Variants in DHX57 observed in about 807,000 individuals in gnomAD.
The protein encoded by DHX57 is DExH-box helicase 57.
Under a neutral mutation model 156.2 loss-of-function variants are expected in DHX57, and 105 were observed. That is an observed-to-expected ratio of 0.67 (90% confidence interval 0.57 to 0.79). The LOEUF (loss-of-function observed/expected upper bound fraction) is 0.79, where lower values mean the gene tolerates loss of function less well. DHX57 is among the 30% of genes least tolerant of loss of function. The pLI, the probability that DHX57 is intolerant of heterozygous loss-of-function variation, is 0.00. For missense variants in DHX57, 1,847 were observed against 1,661.9 expected, an observed-to-expected ratio of 1.11 and a Z score of -1.94; for synonymous variants, 704 against 595.6, an observed-to-expected ratio of 1.18 and a Z score of -2.65.
intron 11 of DHX57, among the ~76,000 whole-genome samples, chr2:38,845,192 T>C (rs920871972): frequency 2.0e-4 from 31 of 151,232 alleles, no homozygotes; most frequent in Non-Finnish European, 7.4e-5. Context: ...TGAGGCTGTC[T>C]TAAAAAAAAA....
Position 38,798,138 on chromosome 2 carries a change from C to T in DHX57, c.*161G>A, listed in dbSNP as rs1488681068. 14 of 838,984 alleles carry T rather than the reference C, an allele frequency of 1.7e-5. No homozygotes were observed. The highest frequency in any genetic ancestry group is 6.8e-5 in the Admixed American group (2 of 29,554). 52.0% of individuals were successfully genotyped at this position (838,984 alleles called of 1,614,324 possible). On this transcript the variant is annotated 3_prime_UTR_variant, in exon 24 of 24. Coordinates refer to ENST00000457308, the MANE Select transcript of DHX57 (RefSeq NM_198963.3). ...GGCCAAGGCTTTGTTAGAAATGGCC[C>T]TAAGGGTATATACACTGCCTCAGCT...
rs1342703520 is a variant in DHX57 at position 38,798,224 on chromosome 2, G to A, written c.*75C>T. 3.2e-6 allele frequency: 5 copies of A among 1,541,198 alleles called. No homozygotes were observed. In the East Asian group the frequency reaches 6.8e-5, roughly 21 times the overall value. On this transcript the variant is annotated 3_prime_UTR_variant, in exon 24 of 24. Transcript: ENST00000457308. ...GCCAGCCCCAATAGGTCTTTAGTTCGAGGTAGAGGTTCTGCTGTTATTTCC... is the reference window on the plus strand; with the variant it reads ...GCCAGCCCCAATAGGTCTTTAGTTCAAGGTAGAGGTTCTGCTGTTATTTCC...
chr2:38,820,149 C>T (rs1263033378), intron 17 of DHX57, among the ~76,000 whole-genome samples: 1 of 152,116 alleles, frequency 6.6e-6, no homozygotes, highest in Non-Finnish European at 1.5e-5. Flanking sequence ...AATCTTATAA[C>T]TAATACAATA....
chr2:38,849,664 A>G (rs1449069363), intron 9 of DHX57, among the ~76,000 whole-genome samples: 1 of 152,166 alleles, frequency 6.6e-6, no homozygotes, highest in East Asian at 1.9e-4. Flanking sequence ...CATGCTCCCC[A>G]TCTTTTTCTA....
Position 38,818,719 on chromosome 2 carries a change from C to G in DHX57, c.3471+158G>C, listed in dbSNP as rs140608456. Among the ~76,000 whole-genome samples the G allele has an allele frequency of 1.4e-3, 212 of 152,246 alleles. 2 individuals carry two copies. Among genetic ancestry groups the G allele is most frequent in the Non-Finnish European group, 2.4e-3 (161 of 68,014 alleles). ...AGGTTCAGCACAGAAAGCCTGATGC[C>G]ACAGTGCGGGAGTCCATTTTACACG... On this transcript the variant is annotated intron_variant, in intron 19 of 23. Coordinates refer to ENST00000457308, the MANE Select transcript of DHX57 (RefSeq NM_198963.3).
Position 38,843,202 on chromosome 2 carries a change from A to G in DHX57, c.2228T>C (p.Leu743Ser). ...CCGCATATATGGGCTCCCATCCTGT[A>G]ATACATACCTGAGAAAGACAAAGGA... ...EDAIAVTRYV[L>S]QDGSPYMRSM... is the part of the protein sequence containing the mutation. Residue 743 changes from leucine (L) to serine (S), a missense_variant, in exon 12 of 24, where the codon TTA (leucine) becomes TCA (serine). Leu to Ser is a moderately radical substitution (Grantham distance 145). Coordinates refer to ENST00000457308, the MANE Select transcript of DHX57 (RefSeq NM_198963.3). 6.2e-7 allele frequency: 1 copy of G among 1,613,976 alleles called. No homozygotes were observed. Among genetic ancestry groups the G allele is most frequent in the South Asian group, 1.1e-5 (1 of 91,076 alleles).
chr2:38,823,584 T>A (rs1268889926), intron 16 of DHX57, among the ~76,000 whole-genome samples: 5 of 152,144 alleles, frequency 3.3e-5, no homozygotes, highest in African/African-American at 1.2e-4. Context: ...CCCTGCACGT[T>A]GTTGGTGGGA....
intron 12 of DHX57, among the ~76,000 whole-genome samples, chr2:38,838,622 A>G (rs575801517): frequency 1.8e-3 from 280 of 152,334 alleles, no homozygotes; most frequent in Non-Finnish European, 3.3e-3. Context: ...TCTAGATTCA[A>G]TCGAATCATG....
chr2:38,803,805 G>A (rs1166979000), intron 22 of DHX57, among the ~76,000 whole-genome samples: 1 of 142,776 alleles, frequency 7.0e-6, no homozygotes, highest in Admixed American at 7.2e-5. Context: ...TTTTTGAGAT[G>A]CAGTCTCGCT....
At chr2:38,872,361 G>A (rs1665395861) in intron 1 of DHX57, among the ~76,000 whole-genome samples, 1 of 152,160 alleles carries the variant, frequency 6.6e-6, no homozygotes, top group Non-Finnish European at 1.5e-5. Flanking sequence ...GTAGAATAGA[G>A]TTAGATGTAA....
At chr2:38,808,716 T>C (rs1471146973) in intron 21 of DHX57, among the ~76,000 whole-genome samples, 1 of 152,192 alleles carries the variant, frequency 6.6e-6, no homozygotes, top group African/African-American at 2.4e-5. Context: ...AGTACTCATT[T>C]TGGGGGGTTC....
rs115847924 is a variant in DHX57 at position 38,866,627 on chromosome 2, T to A, written c.224+1555A>T. 2.9e-3 allele frequency among the ~76,000 whole-genome samples: 437 copies of A among 152,354 alleles called. 3 individuals carry two copies. The highest frequency in any genetic ancestry group is 0.01 in the African/African-American group (417 of 41,592). ...ATAAGGACAATATTTTACTCCCTGC[T>A]GCAATTCCAAGTCCCTAAAACAGTG... On this transcript the variant is annotated intron_variant, in intron 2 of 23. Coordinates refer to ENST00000457308, the MANE Select transcript of DHX57 (RefSeq NM_198963.3).
chr2:38,799,744 C>T (rs1183492794), intron 23 of DHX57, among the ~76,000 whole-genome samples: 2 of 93,304 alleles, frequency 2.1e-5, no homozygotes, highest in African/African-American at 7.6e-5. Flanking sequence ...GAGCAAAACT[C>T]CATCTCAAAA....
chr2:38,826,130 C>G, intron 15 of DHX57, 83 bp from the exon 16 acceptor site: 1 of 1,382,526 alleles, frequency 7.2e-7, no homozygotes, highest in African/African-American at 1.4e-5. Flanking sequence ...ATAGATGAAC[C>G]AGCTTCCTCC....
intron 2 of DHX57, among the ~76,000 whole-genome samples, chr2:38,866,675 G>A (rs547828764): frequency 6.6e-6 from 1 of 152,286 alleles, no homozygotes; most frequent in African/African-American, 2.4e-5. Context: ...TAGGCATTCA[G>A]TAAATACTTA....
intron 22 of DHX57, among the ~76,000 whole-genome samples, chr2:38,805,875 A>T (rs1259319540): frequency 1.3e-5 from 2 of 152,106 alleles, no homozygotes; most frequent in Non-Finnish European, 2.9e-5. Context: ...GGCAGTTGGG[A>T]TGTGTAAGTG....
intron 10 of DHX57, among the ~76,000 whole-genome samples, chr2:38,847,599 A>G (rs978421933): frequency 2.6e-5 from 4 of 152,204 alleles, no homozygotes; most frequent in African/African-American, 7.2e-5. Context: ...AGACTGTCCA[A>G]TGTCACTTTC....
At chr2:38,805,491 C>G (rs1027169336) in intron 22 of DHX57, among the ~76,000 whole-genome samples, 1 of 152,110 alleles carries the variant, frequency 6.6e-6, no homozygotes, top group East Asian at 1.9e-4. Flanking sequence ...AGACAGAAAG[C>G]ACCAGATGTA....
chr2:38,803,755 C>G (rs1669808925), intron 22 of DHX57, among the ~76,000 whole-genome samples: 1 of 150,912 alleles, frequency 6.6e-6, no homozygotes, highest in Non-Finnish European at 1.5e-5. Context: ...TCCCAAAGTC[C>G]TGGGATTACA....
Sources: allele counts gnomAD v4.1 joint callset (sites outside exome capture counted in the v4.1 genomes callset), GRCh38; gene constraint gnomAD v4.1.1; transcripts MANE v1.5; gene names NCBI Gene and HGNC (gene_info 2026-07-23, HGNC 2026-07-21).